Variants in CNTNAP5 observed in about 807,000 individuals in gnomAD.
The protein encoded by CNTNAP5 is contactin associated protein family member 5.
Under a neutral mutation model 150.2 loss-of-function variants are expected in CNTNAP5, and 72 were observed. The ratio of observed to expected loss-of-function variants is 0.48; its 90% CI spans 0.40 to 0.58. CNTNAP5 has a LOEUF of 0.58. Among genes scored for constraint, CNTNAP5 ranks in the 20% least tolerant of loss-of-function variants. The pLI, the probability that CNTNAP5 is intolerant of heterozygous loss-of-function variation, is 0.00. For synonymous variants in CNTNAP5, 672 were observed against 619.8 expected, an observed-to-expected ratio of 1.08 and a Z score of -1.25; for missense variants, 1,636 against 1,626.2, an observed-to-expected ratio of 1.01 and a Z score of -0.10.
Position 124,650,976 on chromosome 2 carries a change from A to G in CNTNAP5, c.2077+3018A>G, listed in dbSNP as rs28361957. 1.6e-3 allele frequency among the ~76,000 whole-genome samples: 248 copies of G among 152,308 alleles called. 1 individual carries two copies. The highest frequency in any genetic ancestry group is 5.8e-3 in the African/African-American group (242 of 41,566). Reference sequence around the variant, plus strand: ...GCCATTTGCAGGGCAGCGAGTATGCATATTTTTAAGACTCTTGCCACATTG... The same window carrying G: ...GCCATTTGCAGGGCAGCGAGTATGCGTATTTTTAAGACTCTTGCCACATTG... On this transcript the variant is annotated intron_variant, in intron 13 of 23. Transcript: ENST00000682447.
At chr2:124,510,097 A>G (rs1558933053) in intron 8 of CNTNAP5, among the ~76,000 whole-genome samples, 1 of 151,770 alleles carries the variant, frequency 6.6e-6, no homozygotes, top group Non-Finnish European at 1.5e-5. Flanking sequence ...GCTACTTGCT[A>G]CTCGGGAGGC....
rs1243515605 is a variant in CNTNAP5 at position 124,786,434 on chromosome 2, G to A, written c.2753-3468G>A. On this transcript the variant is annotated intron_variant, in intron 17 of 23. Transcript: ENST00000682447. ...AGGAAGGAAGGAAGGAAGGAAGGAA[G>A]GAAGGAAGGAAGGAAAGAAAGAAAG... 2.8e-4 allele frequency among the ~76,000 whole-genome samples: 28 copies of A among 100,826 alleles called. 1 individual carries two copies. The highest frequency in any genetic ancestry group is 7.4e-4 in the South Asian group (2 of 2,694). The allele number at this position is 100,826 out of a possible 152,430, so 66.1% of individuals were successfully genotyped here.
chr2:124,626,499 G>A (rs1352398387), intron 12 of CNTNAP5, among the ~76,000 whole-genome samples: 1 of 152,086 alleles, frequency 6.6e-6, no homozygotes, highest in Non-Finnish European at 1.5e-5. Context: ...CTGAGCCAAG[G>A]GAAATGGTGA....
At chr2:124,395,902 C>CA (rs1350241592) in intron 3 of CNTNAP5, among the ~76,000 whole-genome samples, 1 of 152,144 alleles carries the variant, frequency 6.6e-6, no homozygotes, top group Non-Finnish European at 1.5e-5. Flanking sequence ...CCTGAATTCT[C>CA]ACATTCAGTA....
At chr2:124,912,662 T>TC (rs1678680032) in intron 23 of CNTNAP5, among the ~76,000 whole-genome samples, 1 of 152,096 alleles carries the variant, frequency 6.6e-6, no homozygotes, top group South Asian at 2.1e-4. Context: ...TGTGCCTATT[T>TC]CTCTTTCAAT....
intron 12 of CNTNAP5, among the ~76,000 whole-genome samples, chr2:124,625,424 T>C (rs1677700015): frequency 1.3e-5 from 2 of 152,210 alleles, no homozygotes; most frequent in Non-Finnish European, 2.9e-5. Context: ...TCAGTAGGTA[T>C]AGCATAGTAT....
At chr2:124,821,829 G>A (rs1682497932) in intron 19 of CNTNAP5, among the ~76,000 whole-genome samples, 1 of 152,134 alleles carries the variant, frequency 6.6e-6, no homozygotes, top group Non-Finnish European at 1.5e-5. Context: ...CTGGGGATGG[G>A]GCAAAGCCCT....
chr2:124,105,359 GA>G (rs1461455298), intron 1 of CNTNAP5, among the ~76,000 whole-genome samples: 2 of 152,150 alleles, frequency 1.3e-5, no homozygotes, highest in Non-Finnish European at 2.9e-5. Context: ...GAAATTTCTA[GA>G]AGTGTTATTG....
chr2:124,166,155 G>T (rs924140161), intron 1 of CNTNAP5, among the ~76,000 whole-genome samples: 4 of 152,080 alleles, frequency 2.6e-5, no homozygotes, highest in African/African-American at 9.7e-5. Flanking sequence ...CCAAATGTTG[G>T]GTCTGTGATT....
intron 1 of CNTNAP5, among the ~76,000 whole-genome samples, chr2:124,122,764 A>G (rs1392065458): frequency 2.1e-5 from 2 of 96,704 alleles, no homozygotes; most frequent in Admixed American, 2.2e-4. Flanking sequence ...TAAAAGACAC[A>G]CACACACACA....
At chr2:124,337,308 C>A (rs1260711660) in intron 3 of CNTNAP5, among the ~76,000 whole-genome samples, 1 of 152,058 alleles carries the variant, frequency 6.6e-6, no homozygotes, top group East Asian at 1.9e-4. Context: ...AAAATTTTCT[C>A]CCATTTTTGT....
intron 1 of CNTNAP5, among the ~76,000 whole-genome samples, chr2:124,072,280 G>GAAAA (rs34777949): frequency 6.7e-6 from 1 of 149,868 alleles, no homozygotes. Flanking sequence ...CTGAATAATG[G>GAAAA]AAAAAAAAAT....
chr2:124,692,733 A>G (rs547794181), intron 13 of CNTNAP5, among the ~76,000 whole-genome samples: 2 of 152,294 alleles, frequency 1.3e-5, no homozygotes, highest in South Asian at 4.1e-4. Flanking sequence ...AGCAAAGTTA[A>G]GTAAAACATA....
chr2:124,485,632 A>AAAG (rs1354424068), intron 7 of CNTNAP5, among the ~76,000 whole-genome samples: 1 of 125,376 alleles, frequency 8.0e-6, no homozygotes, highest in African/African-American at 3.6e-5. Flanking sequence ...AAAAAAAAAA[A>AAAG]AAGAAGAAGG....
At chr2:124,770,511 C>A (rs533978787) in intron 16 of CNTNAP5, among the ~76,000 whole-genome samples, 6 of 152,308 alleles carry the variant, frequency 3.9e-5, no homozygotes, top group African/African-American at 1.4e-4. Context: ...CACCCAAATT[C>A]TCACCAATCT....
At chr2:124,831,941 A>G (rs1049514128) in intron 19 of CNTNAP5, among the ~76,000 whole-genome samples, 1 of 152,096 alleles carries the variant, frequency 6.6e-6, no homozygotes. Context: ...TTACCTAAGT[A>G]AGAACTTTAA....
At chr2:124,577,177 C>T (rs1260850220) in intron 11 of CNTNAP5, among the ~76,000 whole-genome samples, 5 of 152,094 alleles carry the variant, frequency 3.3e-5, no homozygotes, top group African/African-American at 7.2e-5. Context: ...CCATTTTTTC[C>T]GCAGCACTAT....
intron 13 of CNTNAP5, among the ~76,000 whole-genome samples, chr2:124,648,972 T>A (rs1678263290): frequency 6.6e-6 from 1 of 152,228 alleles, no homozygotes; most frequent in Admixed American, 6.5e-5. Context: ...TTCAACAGAA[T>A]GCCTCCTTGA....
At chr2:124,510,279 C>CTATATATATATATCTATATATA (rs1238288039) in intron 8 of CNTNAP5, among the ~76,000 whole-genome samples, 3 of 70,998 alleles carry the variant, frequency 4.2e-5, no homozygotes, top group Non-Finnish European at 5.6e-5. Context: ...ATATCTATAT[C>CTATATATATATATCTATATATA]TATATCTATA....
Sources: gnomAD v4.1 joint callset for allele counts (sites outside exome capture counted in the v4.1 genomes callset) on GRCh38, gnomAD v4.1.1 for gene constraint, MANE v1.5 for transcripts, NCBI Gene and HGNC (gene_info 2026-07-23, HGNC 2026-07-21) for gene names.